PDE4D: variants seen among roughly 807,000 people sequenced by gnomAD.
PDE4D encodes the protein phosphodiesterase 4D.
In PDE4D, 24 loss-of-function variants were observed where a neutral mutation model predicts 87.4. That is an observed-to-expected ratio of 0.27 (90% CI 0.20 to 0.39). PDE4D has a LOEUF of 0.39. PDE4D is among the 10% of genes least tolerant of loss of function. The probability of loss-of-function intolerance (pLI) is 1.00; values close to 1 mark genes in which losing one functional copy is unlikely to be tolerated. For synonymous variants in PDE4D, 384 were observed against 383.2 expected (o/e 1.00, Z -0.02); for missense variants, 714 against 1,041.0 (o/e 0.69, Z 4.32).
intron 1 of PDE4D, among the ~76,000 whole-genome samples, chr5:59,639,561 A>G (rs1415819465): frequency 6.6e-6 from 1 of 152,148 alleles, no homozygotes; most frequent in Non-Finnish European, 1.5e-5. Context: ...ACTCAAGGAG[A>G]GAGAAAAGTC....
intron 1 of PDE4D, among the ~76,000 whole-genome samples, chr5:59,694,709 T>C (rs187184990): frequency 6.6e-6 from 1 of 152,072 alleles, no homozygotes; most frequent in African/African-American, 2.4e-5. Flanking sequence ...GGGAGCTGCT[T>C]CAGAACAAAG....
intron 3 of PDE4D, among the ~76,000 whole-genome samples, chr5:59,186,378 G>A (rs145112951): frequency 2.0e-5 from 3 of 152,128 alleles, no homozygotes; most frequent in African/African-American, 7.2e-5. Context: ...AACAGTGCCT[G>A]GCAAATAGAA....
intron 1 of PDE4D, among the ~76,000 whole-genome samples, chr5:60,218,530 T>A (rs1036155713): frequency 6.6e-6 from 1 of 151,972 alleles, no homozygotes; most frequent in African/African-American, 2.4e-5. Flanking sequence ...AAGAATAAAT[T>A]TTAAAAATGC....
chr5:60,191,270 A>G (rs1191325872), intron 1 of PDE4D, among the ~76,000 whole-genome samples: 2 of 152,074 alleles, frequency 1.3e-5, no homozygotes, highest in Non-Finnish European at 2.9e-5. Context: ...GGGCATTGAT[A>G]TGGTTTGGCT....
At chr5:60,470,583 T>C (rs1201946194) in intron 1 of PDE4D, among the ~76,000 whole-genome samples, 1 of 152,172 alleles carries the variant, frequency 6.6e-6, no homozygotes. Flanking sequence ...AACTCTCTTG[T>C]TAAGGACCAA....
intron 1 of PDE4D, among the ~76,000 whole-genome samples, chr5:60,333,683 C>T (rs1206519353): frequency 6.6e-6 from 1 of 152,188 alleles, no homozygotes; most frequent in Non-Finnish European, 1.5e-5. Flanking sequence ...CAAACTTCTA[C>T]CAGCTTCCTC....
At chr5:60,445,618 C>T (rs1351564128) in intron 1 of PDE4D, among the ~76,000 whole-genome samples, 1 of 152,084 alleles carries the variant, frequency 6.6e-6, no homozygotes, top group Non-Finnish European at 1.5e-5. Flanking sequence ...ACATCAAAGA[C>T]TCAACCACTG....
intron 1 of PDE4D, among the ~76,000 whole-genome samples, chr5:59,286,978 A>G (rs983569910): frequency 3.3e-5 from 5 of 152,188 alleles, no homozygotes; most frequent in Admixed American, 1.3e-4. Context: ...ATGGCTAAAT[A>G]GCAGCCTCCC....
At chr5:59,649,284 G>T (rs1228166897) in intron 1 of PDE4D, among the ~76,000 whole-genome samples, 1 of 152,120 alleles carries the variant, frequency 6.6e-6, no homozygotes, top group African/African-American at 2.4e-5. Flanking sequence ...ATGAGGAAGA[G>T]AATAAAACTC....
At chr5:59,543,676 C>T (rs2153684940) in intron 1 of PDE4D, among the ~76,000 whole-genome samples, 1 of 151,944 alleles carries the variant, frequency 6.6e-6, no homozygotes, top group South Asian at 2.1e-4. Flanking sequence ...GTCAATGTGT[C>T]TCCTGGCTGC....
At chr5:59,281,535 A>T (rs1765798921) in intron 1 of PDE4D, among the ~76,000 whole-genome samples, 1 of 152,184 alleles carries the variant, frequency 6.6e-6, no homozygotes, top group Non-Finnish European at 1.5e-5. Context: ...GGTAAATATT[A>T]AGTATTTTTT....
chr5:59,937,740 G>A (rs1756759035), intron 3 of PDE4D, among the ~76,000 whole-genome samples: 1 of 152,142 alleles, frequency 6.6e-6, no homozygotes, highest in Admixed American at 6.6e-5. Context: ...AATTTGGGGG[G>A]AACACAAATC....
intron 1 of PDE4D, among the ~76,000 whole-genome samples, chr5:59,345,209 T>A (rs917889786): frequency 3.3e-5 from 5 of 152,196 alleles, no homozygotes; most frequent in Non-Finnish European, 4.4e-5. Context: ...CCTATGCATT[T>A]ACTAGTGTTT....
intron 5 of PDE4D, among the ~76,000 whole-genome samples, chr5:59,156,697 G>C (rs542392514): frequency 1.4e-4 from 22 of 152,082 alleles, no homozygotes; most frequent in African/African-American, 5.3e-4. Context: ...CTTCTGTCTT[G>C]ATTGAAGCAC....
intron 1 of PDE4D, among the ~76,000 whole-genome samples, chr5:60,499,463 T>C (rs1749967465): frequency 6.6e-6 from 1 of 152,176 alleles, no homozygotes; most frequent in African/African-American, 2.4e-5. Context: ...AAAACTGTCA[T>C]GAAAGTTGAT....
intron 1 of PDE4D, among the ~76,000 whole-genome samples, chr5:60,424,021 G>T (rs1397121625): frequency 6.6e-6 from 1 of 152,106 alleles, no homozygotes; most frequent in East Asian, 1.9e-4. Context: ...TCAATAACAG[G>T]CTCTGAAATT....
At chr5:59,855,672 T>G (rs1745322811) in intron 1 of PDE4D, among the ~76,000 whole-genome samples, 1 of 152,174 alleles carries the variant, frequency 6.6e-6, no homozygotes, top group Non-Finnish European at 1.5e-5. Context: ...TCTAGTCTCA[T>G]AATTTTATAT....
chr5:59,319,156 ATATATGTGTG>A (rs999026260), intron 1 of PDE4D, among the ~76,000 whole-genome samples: 3 of 112,526 alleles, frequency 2.7e-5, no homozygotes, highest in Non-Finnish European at 5.5e-5. Context: ...GAGAGTACAT[ATATATGTGTG>A]TGTGTGTGTG....
At chr5:59,313,069 T>A (rs762644317) in intron 1 of PDE4D, among the ~76,000 whole-genome samples, 1 of 152,122 alleles carries the variant, frequency 6.6e-6, no homozygotes, top group Non-Finnish European at 1.5e-5. Flanking sequence ...GGCCTTGAGC[T>A]GAAGGGGCCC....
Sources: gnomAD v4.1 joint callset for allele counts (sites outside exome capture counted in the v4.1 genomes callset) on GRCh38, gnomAD v4.1.1 for gene constraint, MANE v1.5 for transcripts, NCBI Gene and HGNC (gene_info 2026-07-23, HGNC 2026-07-21) for gene names.